ERC1: variants seen among roughly 807,000 people sequenced by gnomAD.
ERC1 encodes ELKS/RAB6-interacting/CAST family member 1.
In ERC1, 56 loss-of-function variants were observed where a neutral mutation model predicts 132.0. The ratio of observed to expected loss-of-function variants is 0.42; its 90% CI spans 0.34 to 0.53. ERC1 has a LOEUF of 0.53. Ranked by LOEUF, ERC1 falls within the 20% of genes least tolerant of loss-of-function variation. The probability of loss-of-function intolerance (pLI) is 0.03; values close to 1 mark genes in which losing one functional copy is unlikely to be tolerated. For missense variants in ERC1, 1,202 were observed against 1,349.9 expected, an observed-to-expected ratio of 0.89 and a Z score of 1.72; for synonymous variants, 478 against 476.1, an observed-to-expected ratio of 1.00 and a Z score of -0.05.
chr12:1,270,066 A>G (rs760953526), intron 14 of ERC1, among the ~76,000 whole-genome samples: 1 of 152,342 alleles, frequency 6.6e-6, no homozygotes, highest in South Asian at 2.1e-4. Context: ...GGTTTGGGGT[A>G]TGTAATTCTG....
At chr12:1,291,625 C>T (rs7959057) in intron 15 of ERC1, among the ~76,000 whole-genome samples, 4,417 of 152,226 alleles carry the variant, frequency 0.029, 222 homozygotes, top group African/African-American at 0.1. Flanking sequence ...AGGTAGTTGG[C>T]CCATTTGCAT....
chr12:1,011,046 T>C (rs991003234), intron 1 of ERC1, among the ~76,000 whole-genome samples: 3 of 152,166 alleles, frequency 2.0e-5, no homozygotes, highest in African/African-American at 7.2e-5. Context: ...TTGGAAATAA[T>C]GAAAAATTTT....
chr12:1,266,253 A>G (rs2077469994), intron 14 of ERC1, among the ~76,000 whole-genome samples: 3 of 152,198 alleles, frequency 2.0e-5, no homozygotes, highest in South Asian at 4.2e-4. Flanking sequence ...GAAATATTGC[A>G]TGAGACCAGT....
chr12:1,023,697 G>T (rs1478116687), intron 1 of ERC1, among the ~76,000 whole-genome samples: 1 of 152,186 alleles, frequency 6.6e-6, no homozygotes, highest in Non-Finnish European at 1.5e-5. Context: ...TAGGGATGAA[G>T]ATCAGAAACA....
At chr12:1,437,019 A>G (rs1170823560) in intron 17 of ERC1, among the ~76,000 whole-genome samples, 2 of 152,148 alleles carry the variant, frequency 1.3e-5, no homozygotes, top group African/African-American at 4.8e-5. Context: ...ATTTTTCACT[A>G]AAACACAATG....
chr12:1,449,066 A>G (rs1201449472), intron 18 of ERC1, among the ~76,000 whole-genome samples: 3 of 152,192 alleles, frequency 2.0e-5, no homozygotes, highest in Non-Finnish European at 1.5e-5. Context: ...TGACTGCCCT[A>G]TTGGATTTCA....
At chr12:1,454,834 C>T (rs925707598) in intron 18 of ERC1, among the ~76,000 whole-genome samples, 1 of 152,076 alleles carries the variant, frequency 6.6e-6, no homozygotes, top group Non-Finnish European at 1.5e-5. Context: ...TAAAATATAT[C>T]GTCTCATACT....
chr12:1,264,670 A>C (rs1481234993), intron 14 of ERC1, among the ~76,000 whole-genome samples: 1 of 152,086 alleles, frequency 6.6e-6, no homozygotes, highest in Non-Finnish European at 1.5e-5. Context: ...TCTCAAACAA[A>C]AAAAAAAAGA....
intron 16 of ERC1, among the ~76,000 whole-genome samples, chr12:1,388,479 A>G (rs1409499434): frequency 6.6e-6 from 1 of 152,012 alleles, no homozygotes; most frequent in African/African-American, 2.4e-5. Context: ...AAGGCTTCTT[A>G]TTACCAAGTC....
intron 8 of ERC1, among the ~76,000 whole-genome samples, chr12:1,172,361 C>T (rs746209755): frequency 2.6e-4 from 39 of 151,930 alleles, no homozygotes; most frequent in Non-Finnish European, 4.6e-4. Flanking sequence ...TCAGCTACTC[C>T]GGAGGCTGAG....
upstream of ERC1, chr12:990,682 A>T (rs1349269849): frequency 1.3e-5 from 2 of 152,196 alleles, no homozygotes; most frequent in African/African-American, 2.4e-5. Context: ...AGGGGCAAAA[A>T]ACCAGCTTTC....
intron 16 of ERC1, among the ~76,000 whole-genome samples, chr12:1,407,321 A>G (rs1198240294): frequency 6.6e-6 from 1 of 152,262 alleles, no homozygotes; most frequent in East Asian, 1.9e-4. Context: ...CTGTCTGAAC[A>G]CCTCACTGAA....
chr12:1,346,554 AC>A (rs1282244543), intron 15 of ERC1, among the ~76,000 whole-genome samples: 1 of 152,230 alleles, frequency 6.6e-6, no homozygotes, highest in African/African-American at 2.4e-5. Context: ...TTCTAGGAGA[AC>A]AACTGATTGA....
rs564468254 is a variant in ERC1 at position 1,138,468 on chromosome 12, A to G, written c.1570-3152A>G. Among the ~76,000 whole-genome samples, 49 of 149,116 alleles carry G rather than the reference A, an allele frequency of 3.3e-4. 1 individual carries two copies. The South Asian group carries it at 9.9e-3, about 30-fold the overall frequency. On this transcript the variant is annotated intron_variant, in intron 7 of 18. Transcript: ENST00000360905. ...TGATGTTATTAAGTTCTATAAGTAG[A>G]AAAAAAAGTGTTAAATTCTATTACA...
intron 16 of ERC1, among the ~76,000 whole-genome samples, chr12:1,400,469 G>A (rs1210841373): frequency 6.6e-6 from 1 of 151,684 alleles, no homozygotes; most frequent in Non-Finnish European, 1.5e-5. Flanking sequence ...TCGCTCTTTG[G>A]GTATATTATC....
At chr12:1,161,449 G>A (rs900112711) in intron 8 of ERC1, among the ~76,000 whole-genome samples, 4 of 152,048 alleles carry the variant, frequency 2.6e-5, no homozygotes, top group East Asian at 3.8e-4. Context: ...AAAATTTCTG[G>A]TAGAGCTCTG....
At chr12:1,188,655 T>C (rs182220550) in intron 11 of ERC1, among the ~76,000 whole-genome samples, 71 of 152,348 alleles carry the variant, frequency 4.7e-4, no homozygotes, top group African/African-American at 1.4e-3. Flanking sequence ...ACAAATGAAC[T>C]TGGGAAAGGA....
intron 12 of ERC1, among the ~76,000 whole-genome samples, chr12:1,222,134 C>T (rs891914584): frequency 6.6e-6 from 1 of 151,966 alleles, no homozygotes; most frequent in African/African-American, 2.4e-5. Context: ...GTATTATAAT[C>T]TTATATGCAT....
At chr12:1,106,344 A>G (rs1945263957) in intron 4 of ERC1, among the ~76,000 whole-genome samples, 1 of 152,196 alleles carries the variant, frequency 6.6e-6, no homozygotes, top group African/African-American at 2.4e-5. Context: ...ACCTCCCCCC[A>G]CAACTACTTC....
Sources: gnomAD v4.1 joint callset for allele counts (sites outside exome capture counted in the v4.1 genomes callset) on GRCh38, gnomAD v4.1.1 for gene constraint, MANE v1.5 for transcripts, NCBI Gene and HGNC (gene_info 2026-07-23, HGNC 2026-07-21) for gene names.